GNAS: variants seen among roughly 807,000 people sequenced by gnomAD.
The protein encoded by GNAS is protein ALEX.
A neutral mutation model predicts 54.5 loss-of-function variants in GNAS; 8 were observed. The ratio of observed to expected loss-of-function variants is 0.15; its 90% confidence interval spans 0.09 to 0.26. The LOEUF (loss-of-function observed/expected upper bound fraction) is 0.26. GNAS is among the 10% of genes least tolerant of loss of function. The pLI, the probability that GNAS is intolerant of heterozygous loss-of-function variation, is 1.00. For synonymous variants in GNAS, 204 were observed against 191.4 expected (o/e 1.07, Z -0.54); for missense variants, 170 against 529.8 (o/e 0.32, Z 6.67).
intron 1 of GNAS, among the ~76,000 whole-genome samples, chr20:58,871,077 T>A (rs2145708481): frequency 6.6e-6 from 1 of 152,336 alleles, no homozygotes; most frequent in Middle Eastern, 3.4e-3. Context: ...AGCTCTTCCA[T>A]GTTCGCCATC....
At chr20:58,907,187 T>G (rs551467737) in intron 6 of GNAS, among the ~76,000 whole-genome samples, 2 of 152,320 alleles carry the variant, frequency 1.3e-5, no homozygotes, top group East Asian at 3.9e-4. Flanking sequence ...GTCTGCGCAA[T>G]CTATCAACCC....
chr20:58,887,464 C>T (rs1409921427), upstream of GNAS, among the ~76,000 whole-genome samples: 1 of 152,218 alleles, frequency 6.6e-6, no homozygotes, highest in East Asian at 1.9e-4. Flanking sequence ...TAGTGAGCCT[C>T]ACTATCACTA....
Position 58,851,219 on chromosome 20 carries a change from C to G in GNAS, c.43+10333C>G, listed in dbSNP as rs73915938. The stretch of plus-strand genomic sequence containing the variant: ...GGGTCCAACTGTGTTCGCCTCCTTC[C>G]GTGCTGCGTGGCCACATGGATGGTG... On this transcript the variant is annotated intron_variant, in intron 1 of 12. Transcript: ENST00000306090. Among the ~76,000 whole-genome samples the G allele has an allele frequency of 3.1e-3, 473 of 152,320 alleles. 2 individuals carry two copies. The highest frequency in any genetic ancestry group is 0.011 in the African/African-American group (454 of 41,580).
chr20:58,900,069 T>C, intron 3 of GNAS: 2 of 422,038 alleles, frequency 4.7e-6, no homozygotes, highest in Non-Finnish European at 8.9e-6. Context: ...TTCTGTTATC[T>C]GAGGGGGGAG....
intron 3 of GNAS, chr20:58,899,827 C>T (rs2090448025): frequency 1.5e-6 from 1 of 679,848 alleles, no homozygotes; most frequent in Middle Eastern, 2.4e-4. Context: ...CCATCCAGAA[C>T]CATTGACTTA....
At chr20:58,855,861 C>T in intron 1 of GNAS, 3 of 553,466 alleles carry the variant, frequency 5.4e-6, no homozygotes, top group Admixed American at 6.7e-5. Context: ...GTTCCTATCC[C>T]GGCACCCCCA....
intron 1 of GNAS, among the ~76,000 whole-genome samples, chr20:58,864,622 C>T (rs1870057018): frequency 6.6e-6 from 1 of 152,174 alleles, no homozygotes. Context: ...TGGCACGTGT[C>T]TGTGAAAATG....
At chr20:58,900,643 T>G (rs762206528) in intron 3 of GNAS, among the ~76,000 whole-genome samples, 2 of 152,228 alleles carry the variant, frequency 1.3e-5, no homozygotes, top group Non-Finnish European at 2.9e-5. Flanking sequence ...CCCAATTTTG[T>G]AGCGAATCAG....
intron 3 of GNAS, chr20:58,899,802 C>CA (rs2090445549): frequency 1.6e-6 from 1 of 643,294 alleles, no homozygotes; most frequent in African/African-American, 1.8e-5. Context: ...GGTGGAGTGG[C>CA]TATTTCTCAT....
chr20:58,848,848 T>C, intron 1 of GNAS: 2 of 398,616 alleles, frequency 5.0e-6, no homozygotes, highest in Non-Finnish European at 4.4e-6. Context: ...CTGACCCCAT[T>C]ACTGATGTTT....
At chr20:58,870,885 A>T (rs1016131218) in intron 1 of GNAS, among the ~76,000 whole-genome samples, 9 of 152,208 alleles carry the variant, frequency 5.9e-5, no homozygotes, top group Admixed American at 2.0e-4. Context: ...TTAAAATGAC[A>T]TCATAATATT....
At chr20:58,889,086 G>A (rs1011500757), upstream of GNAS, 6 of 1,040,304 alleles carry the variant, frequency 5.8e-6, no homozygotes, top group African/African-American at 6.9e-5. Flanking sequence ...CTTCCCCTTC[G>A]GTTTATAGGG....
chr20:58,874,089 C>T (rs978934215), intron 1 of GNAS, among the ~76,000 whole-genome samples: 1 of 152,210 alleles, frequency 6.6e-6, no homozygotes, highest in Non-Finnish European at 1.5e-5. Flanking sequence ...AAAATTTCTG[C>T]ACAAACAGCA....
chr20:58,890,480 C>T (rs2089083199), upstream of GNAS, among the ~76,000 whole-genome samples: 1 of 152,114 alleles, frequency 6.6e-6, no homozygotes, highest in Admixed American at 6.5e-5. Flanking sequence ...ACCTGCCCCT[C>T]GTGGTGTTCC....
At position 58,842,117 on chromosome 20, in the gene GNAS, C is replaced by T. The variant is rs769654457; in HGVS notation, c.43+1231C>T. 18 of 399,642 alleles carry T rather than the reference C, an allele frequency of 4.5e-5. No individual in the cohort carries two copies. In the South Asian group the frequency reaches 5.1e-4, roughly 11 times the overall value. 24.8% of individuals were successfully genotyped at this position (399,642 alleles called of 1,614,324 possible). On this transcript the variant is annotated intron_variant, in intron 1 of 12. Coordinates refer to the GNAS transcript ENST00000306090. ...CAGCACGGGTAGAGTTAAGTTTAAT[C>T]TGTAACCTGGAGGGGAATCTGCTCT... is the stretch of plus-strand genomic sequence containing the variant.
chr20:58,869,377 G>T (rs1184280231), intron 1 of GNAS, among the ~76,000 whole-genome samples: 3 of 152,254 alleles, frequency 2.0e-5, no homozygotes, highest in Non-Finnish European at 4.4e-5. Flanking sequence ...GAAATCAAAT[G>T]GTAGGGCCCT....
At chr20:58,895,370 A>T (rs1285694763) in intron 1 of GNAS, 1 of 510,422 alleles carries the variant, frequency 2.0e-6, no homozygotes, top group African/African-American at 1.9e-5. Context: ...AAAAATTAAA[A>T]CCAGCAAACC....
At chr20:58,893,291 G>A (rs192753131) in intron 1 of GNAS, among the ~76,000 whole-genome samples, 3 of 151,784 alleles carry the variant, frequency 2.0e-5, no homozygotes, top group African/African-American at 7.2e-5. Flanking sequence ...ATAAGGAGAT[G>A]GCCTTTCCTC....
At chr20:58,874,074 G>A (rs1205852171) in intron 1 of GNAS, among the ~76,000 whole-genome samples, 6 of 152,204 alleles carry the variant, frequency 3.9e-5, no homozygotes, top group Non-Finnish European at 7.4e-5. Context: ...GCCACTCTGA[G>A]GCTGAAAATT....
Sources: allele counts gnomAD v4.1 joint callset (sites outside exome capture counted in the v4.1 genomes callset), GRCh38; gene constraint gnomAD v4.1.1; transcripts MANE v1.5; gene names NCBI Gene and HGNC (gene_info 2026-07-23, HGNC 2026-07-21).